The following TRA2A variants were observed in gnomAD, a reference collection of about 807,000 sequenced individuals.
The protein encoded by TRA2A is transformer 2 alpha homolog.
In TRA2A, 31 loss-of-function variants were observed where a neutral mutation model predicts 45.7. The ratio of observed to expected loss-of-function variants is 0.68; its 90% confidence interval spans 0.51 to 0.92. The LOEUF is 0.92. Ranked by LOEUF, TRA2A falls within the 40% of genes least tolerant of loss-of-function variation. TRA2A has a pLI of 0.00. For missense variants in TRA2A, 304 were observed against 367.5 expected, an observed-to-expected ratio of 0.83 and a Z score of 1.41; for synonymous variants, 132 against 126.2, an observed-to-expected ratio of 1.05 and a Z score of -0.31.
rs191716959 is a variant in TRA2A, at chr7:23,513,185, A to G, written c.337-103T>C. The G allele has an allele frequency of 2.0e-4, 153 of 762,092 alleles. No homozygotes were observed. The East Asian group carries it at 4.2e-3, about 21-fold the overall frequency. The allele number at this position is 762,092 out of a possible 1,614,324, so 47.2% of individuals were successfully genotyped here. The stretch of plus-strand genomic sequence containing the variant: ...ACCTCATCTAATACACAATAAATAT[A>G]TTGTTTCTAATAATTTGGAGATAAG... On this transcript the variant is annotated intron_variant, in intron 3 of 7. Transcript: ENST00000297071.
chr7:23,509,677 G>A (rs541942916), intron 4 of TRA2A, among the ~76,000 whole-genome samples: 2 of 150,982 alleles, frequency 1.3e-5, no homozygotes, highest in Admixed American at 1.3e-4. Flanking sequence ...AGGTTGCAGT[G>A]AGCCGAGATT....
At position 23,531,966 on chromosome 7, in the gene TRA2A, C is replaced by G. The variant is rs1487296639; in HGVS notation, c.-142G>C. On this transcript the variant is annotated 5_prime_UTR_variant, in exon 1 of 8. Transcript: ENST00000297071. ...GCTCCACTCCACTCCCACTCGGTCG[C>G]AGGCTCCAGCAAAATGGCGCCGGCG... 1.2e-6 allele frequency: 1 copy of G among 860,696 alleles called. No individual in the cohort carries two copies. Among genetic ancestry groups the G allele is most frequent in the Admixed American group, 2.6e-5 (1 of 39,034 alleles). The allele number at this position is 860,696 out of a possible 1,614,324, so 53.3% of individuals were successfully genotyped here.
Position 23,510,851 on chromosome 7 carries a change from A to T in TRA2A, c.525+2043T>A, listed in dbSNP as rs538356325. On this transcript the variant is annotated intron_variant, in intron 4 of 7. Coordinates refer to ENST00000297071, the MANE Select transcript of TRA2A (RefSeq NM_013293.5). ...TCACAAATACGTAACAGTAAAAAAA[A>T]AAATCATAAGACTGACAAATTAAGG... Among the ~76,000 whole-genome samples, 4 of 152,320 alleles carry T rather than the reference A, an allele frequency of 2.6e-5. No homozygotes were observed. In the South Asian group the frequency reaches 8.3e-4, roughly 32 times the overall value.
chr7:23,513,226 G>A lies in TRA2A; in HGVS notation c.337-144C>T, dbSNP rs185092273. On this transcript the variant is annotated intron_variant, in intron 3 of 7. Transcript: ENST00000297071. ...TGGAGATAAGATTTTAAGAGAACTA[G>A]AGCAGATGAGCCATATTTTACAATT... The A allele has an allele frequency of 6.9e-4, 429 of 622,292 alleles. 1 individual carries two copies. The highest frequency in any genetic ancestry group is 1.0e-3 in the Non-Finnish European group (377 of 376,376). The allele number at this position is 622,292 out of a possible 1,614,324, so 38.5% of individuals were successfully genotyped here.
In TRA2A at chr7:23,505,500, T is replaced by TTAAAA; in HGVS notation, c.*58_*59insTTTTA. 5.7e-6 allele frequency: 2 copies of TTAAAA among 350,778 alleles called. No homozygotes were observed. The highest frequency in any genetic ancestry group is 7.6e-5 in the Admixed American group (1 of 13,194). The allele number at this position is 350,778 out of a possible 1,614,324, so 21.7% of individuals were successfully genotyped here. A position where few individuals can be genotyped will look rare whatever the true frequency, so the allele number is the denominator to read the frequency against. ...CCACAGCTTGGGGAAATCTCAGAAT[T>TTAAAA]AAAAAAAAAAAAAAAAAAAAGAGGA... On this transcript the variant is annotated 3_prime_UTR_variant, in exon 8 of 8. Coordinates refer to ENST00000297071, the MANE Select transcript of TRA2A (RefSeq NM_013293.5).
chr7:23,530,529 C>T (rs568321356), intron 1 of TRA2A, among the ~76,000 whole-genome samples: 5 of 152,316 alleles, frequency 3.3e-5, no homozygotes, highest in East Asian at 3.9e-4. Flanking sequence ...TAAACATCTA[C>T]ACAACAGCCC....
chr7:23,516,182 C>A (rs1025441807), intron 3 of TRA2A, among the ~76,000 whole-genome samples, 181 bp downstream of exon 3: 1 of 152,124 alleles, frequency 6.6e-6, no homozygotes, highest in Admixed American at 6.6e-5. Flanking sequence ...TGTCATAAAA[C>A]ATGGTAAGCT....
At chr7:23,518,987 C>A (rs1251893662) in intron 2 of TRA2A, among the ~76,000 whole-genome samples, 1 of 152,228 alleles carries the variant, frequency 6.6e-6, no homozygotes, top group Admixed American at 6.5e-5. Flanking sequence ...CACACTCAGC[C>A]TAAGCCTTTA....
chr7:23,505,997 A>T, intron 6 of TRA2A, 141 bp downstream of exon 6: 1 of 794,532 alleles, frequency 1.3e-6, no homozygotes, highest in Admixed American at 2.5e-5. Flanking sequence ...ACATATACAG[A>T]CTGCTAACTT....
chr7:23,505,865 C>A, intron 6 of TRA2A, 52 bp from the exon 7 acceptor site: 1 of 1,135,654 alleles, frequency 8.8e-7, no homozygotes, highest in Non-Finnish European at 1.2e-6. Context: ...TCCACTGAGG[C>A]AGATGAAAAT....
chr7:23,510,530 G>A (rs1224549571), intron 4 of TRA2A, among the ~76,000 whole-genome samples: 1 of 146,998 alleles, frequency 6.8e-6, no homozygotes, highest in Non-Finnish European at 1.5e-5. Context: ...GTTTCACCCT[G>A]TTGGCCAGGC....
intron 1 of TRA2A, among the ~76,000 whole-genome samples, chr7:23,523,679 T>C (rs1159342337): frequency 1.3e-5 from 2 of 152,214 alleles, no homozygotes; most frequent in Non-Finnish European, 2.9e-5. Context: ...TTTAGCTACC[T>C]ACAAGTCTTT....
At position 23,505,455 on chromosome 7, in the gene TRA2A, T is replaced by G; in HGVS notation, c.*104A>C. The G allele has an allele frequency of 1.9e-6, 1 of 532,742 alleles. No individual in the cohort carries two copies. The allele number at this position is 532,742 out of a possible 1,614,324, so 33.0% of individuals were successfully genotyped here. On this transcript the variant is annotated 3_prime_UTR_variant, in exon 8 of 8. Transcript: ENST00000297071. ...GATGCTAAATAAACCAAAGTTTTTT[T>G]CTTAAGGAGTAGGAAGAATCCACAG...
At chr7:23,519,344 A>C (rs1790030369) in intron 2 of TRA2A, among the ~76,000 whole-genome samples, 1 of 152,200 alleles carries the variant, frequency 6.6e-6, no homozygotes, top group Non-Finnish European at 1.5e-5. Flanking sequence ...CAGTGAGGCC[A>C]CTGTACTCCA....
chr7:23,516,196 G>A (rs1422473883), intron 3 of TRA2A, among the ~76,000 whole-genome samples, 167 bp downstream of exon 3: 2 of 152,140 alleles, frequency 1.3e-5, no homozygotes, highest in East Asian at 1.9e-4. Context: ...GTAAGCTTAC[G>A]AAAGATGGTG....
At chr7:23,511,843 T>C (rs1340867715) in intron 4 of TRA2A, among the ~76,000 whole-genome samples, 1 of 152,188 alleles carries the variant, frequency 6.6e-6, no homozygotes, top group East Asian at 1.9e-4. Context: ...CACTAAAAAA[T>C]TATCAATTCT....
intron 3 of TRA2A, among the ~76,000 whole-genome samples, chr7:23,513,528 G>A (rs1031642090): frequency 6.6e-6 from 1 of 152,068 alleles, no homozygotes; most frequent in Non-Finnish European, 1.5e-5. Flanking sequence ...TGAGGCAGGA[G>A]AATCGCTTGA....
intron 4 of TRA2A, among the ~76,000 whole-genome samples, chr7:23,509,253 T>C (rs2170682): frequency 0.69 from 105,406 of 151,672 alleles, 38,059 homozygotes; most frequent in African/African-American, 0.9. Context: ...TTGATCTCCC[T>C]GCACCCCATC....
intron 1 of TRA2A, chr7:23,531,577 T>C: frequency 3.3e-6 from 2 of 603,868 alleles, no homozygotes; most frequent in Non-Finnish European, 5.8e-6. Flanking sequence ...CAGGTATCAG[T>C]CAGCCTCCAA....
Sources: gnomAD v4.1 joint callset for allele counts (sites outside exome capture counted in the v4.1 genomes callset) on GRCh38, gnomAD v4.1.1 for gene constraint, MANE v1.5 for transcripts, NCBI Gene and HGNC (gene_info 2026-07-23, HGNC 2026-07-21) for gene names.